Variants in AMZ2 observed in about 807,000 individuals in gnomAD.
AMZ2 encodes the protein archaelysin family metallopeptidase 2.
A neutral mutation model predicts 36.7 loss-of-function variants in AMZ2; 26 were observed. That is an observed-to-expected ratio of 0.71 (90% CI 0.52 to 0.98). The LOEUF is 0.98. Ranked by LOEUF, AMZ2 falls within the 50% of genes least tolerant of loss-of-function variation. The pLI, the probability that AMZ2 is intolerant of heterozygous loss-of-function variation, is 0.00. For synonymous variants in AMZ2, 144 were observed against 149.1 expected, an observed-to-expected ratio of 0.97 and a Z score of 0.25; for missense variants, 394 against 430.5, an observed-to-expected ratio of 0.92 and a Z score of 0.75.
At chr17:68,236,331 T>C (rs1261209936) in intron 1 of AMZ2, among the ~76,000 whole-genome samples, 1 of 152,034 alleles carries the variant, frequency 6.6e-6, no homozygotes, top group African/African-American at 2.4e-5. Flanking sequence ...CTATAACATA[T>C]GAACATGATA....
intron 1 of AMZ2, among the ~76,000 whole-genome samples, chr17:68,214,339 G>A (rs1555726770): frequency 6.6e-6 from 1 of 152,172 alleles, no homozygotes; most frequent in African/African-American, 2.4e-5. Context: ...GCCTTTTCCT[G>A]TGTCCTGCTT....
At chr17:68,252,973 A>C (rs1555740614) in intron 4 of AMZ2, among the ~76,000 whole-genome samples, 1 of 152,220 alleles carries the variant, frequency 6.6e-6, no homozygotes, top group Non-Finnish European at 1.5e-5. Context: ...ACATGACATA[A>C]AAGATTTACA....
chr17:68,230,134 G>A (rs1568355979), intron 1 of AMZ2, among the ~76,000 whole-genome samples: 1 of 152,102 alleles, frequency 6.6e-6, no homozygotes, highest in African/African-American at 2.4e-5. Context: ...GTGCAGTGGC[G>A]TGATCTCGGC....
intron 1 of AMZ2, among the ~76,000 whole-genome samples, chr17:68,233,246 C>T (rs1301279380): frequency 3.9e-5 from 6 of 152,066 alleles, no homozygotes; most frequent in East Asian, 1.9e-4. Flanking sequence ...TGGTGGCTCA[C>T]GCCTGTAATC....
chr17:68,211,870 GTGTGTA>G (rs1568340458), intron 1 of AMZ2, among the ~76,000 whole-genome samples: 1 of 129,834 alleles, frequency 7.7e-6, no homozygotes, highest in African/African-American at 2.7e-5. Context: ...GTATATATGT[GTGTGTA>G]TGTATATATA....
intron 1 of AMZ2, among the ~76,000 whole-genome samples, chr17:68,227,802 G>A (rs1555730265): frequency 6.6e-6 from 1 of 152,152 alleles, no homozygotes; most frequent in East Asian, 1.9e-4. Flanking sequence ...AGGAATTGAA[G>A]ATTATGCTGG....
chr17:68,227,767 T>A (rs1345170073), intron 1 of AMZ2, among the ~76,000 whole-genome samples: 1 of 152,166 alleles, frequency 6.6e-6, no homozygotes, highest in Non-Finnish European at 1.5e-5. Flanking sequence ...TTTGGGAGGC[T>A]GAGGTGGGAG....
intron 1 of AMZ2, among the ~76,000 whole-genome samples, chr17:68,231,109 G>T (rs2073652286): frequency 6.6e-6 from 1 of 151,142 alleles, no homozygotes; most frequent in African/African-American, 2.4e-5. Context: ...TGTCGTCCAG[G>T]CTGGAGTGCA....
chr17:68,226,305 G>A (rs1156277436), intron 1 of AMZ2, among the ~76,000 whole-genome samples: 2 of 152,196 alleles, frequency 1.3e-5, no homozygotes, highest in Admixed American at 6.5e-5. Context: ...TAAGAGTTAC[G>A]TGAGAGGCTG....
chr17:68,224,823 CTCTA>C (rs1484800029), intron 1 of AMZ2, among the ~76,000 whole-genome samples: 6 of 151,346 alleles, frequency 4.0e-5, no homozygotes, highest in South Asian at 2.1e-4. Context: ...CTTCTTTCCT[CTCTA>C]TCTATCATCC....
chr17:68,225,555 G>C (rs782398354), intron 1 of AMZ2, among the ~76,000 whole-genome samples: 4 of 152,110 alleles, frequency 2.6e-5, no homozygotes, highest in Admixed American at 2.0e-4. Flanking sequence ...AAGAGCAATA[G>C]CTATTTTTTA....
chr17:68,244,471 G>A (rs1459701006), upstream of AMZ2, among the ~76,000 whole-genome samples: 1 of 152,184 alleles, frequency 6.6e-6, no homozygotes, highest in Non-Finnish European at 1.5e-5. Context: ...ATATTTAGTA[G>A]AGACGGGGTT....
At chr17:68,208,156 C>T (rs1244754713) in intron 1 of AMZ2, among the ~76,000 whole-genome samples, 2 of 152,222 alleles carry the variant, frequency 1.3e-5, no homozygotes, top group East Asian at 1.9e-4. Flanking sequence ...CCCTGCCCCA[C>T]GGCGCCCAGT....
chr17:68,233,622 G>C (rs1304934453), intron 1 of AMZ2, among the ~76,000 whole-genome samples: 1 of 151,940 alleles, frequency 6.6e-6, no homozygotes, highest in African/African-American at 2.4e-5. Flanking sequence ...TCAATACAAA[G>C]CCATTGGGGT....
intron 1 of AMZ2, among the ~76,000 whole-genome samples, chr17:68,239,014 G>A (rs1158410397): frequency 2.0e-5 from 3 of 152,144 alleles, no homozygotes; most frequent in Non-Finnish European, 4.4e-5. Flanking sequence ...ACCAAAGAAT[G>A]TGTTTCCCCC....
intron 4 of AMZ2, among the ~76,000 whole-genome samples, chr17:68,253,654 C>G (rs1165044609): frequency 6.6e-6 from 1 of 152,110 alleles, no homozygotes; most frequent in East Asian, 1.9e-4. Flanking sequence ...TGTCCTCAGT[C>G]AGTGCTGCGT....
intron 1 of AMZ2, among the ~76,000 whole-genome samples, chr17:68,211,700 G>GTATATATGTATATGTA (rs1212934178): frequency 1.3e-4 from 17 of 129,048 alleles, no homozygotes; most frequent in Non-Finnish European, 2.1e-4. Flanking sequence ...GTATATATAT[G>GTATATATGTATATGTA]TATATATGTA....
At chr17:68,213,819 T>C (rs1198591692) in intron 1 of AMZ2, among the ~76,000 whole-genome samples, 1 of 151,826 alleles carries the variant, frequency 6.6e-6, no homozygotes, top group African/African-American at 2.4e-5. Context: ...CTTTGTCTCT[T>C]TTTCTTTTTG....
At chr17:68,254,966 C>G (rs1419557406) in intron 5 of AMZ2, among the ~76,000 whole-genome samples, 1 of 152,222 alleles carries the variant, frequency 6.6e-6, no homozygotes, top group Admixed American at 6.5e-5. Context: ...CTCCAGGTTA[C>G]CCTCGACTGT....
Sources: allele counts gnomAD v4.1 joint callset (sites outside exome capture counted in the v4.1 genomes callset), GRCh38; gene constraint gnomAD v4.1.1; transcripts MANE v1.5; gene names NCBI Gene and HGNC (gene_info 2026-07-23, HGNC 2026-07-21).